Variants in GRIN2A observed in about 807,000 individuals in gnomAD.
The protein encoded by GRIN2A is glutamate ionotropic receptor NMDA type subunit 2A, also known as glutamate receptor ionotropic, NMDA 2A.
GRIN2A carries 22 observed loss-of-function variants against 113.4 expected under a neutral mutation model. The observed-to-expected ratio is 0.19, with a 90% CI of 0.14 to 0.28. The LOEUF is 0.28. GRIN2A is among the 10% of genes least tolerant of loss of function. GRIN2A has a pLI of 1.00. For missense variants in GRIN2A, 1,502 were observed against 1,887.0 expected, an observed-to-expected ratio of 0.80 and a Z score of 3.78; for synonymous variants, 827 against 738.4, an observed-to-expected ratio of 1.12 and a Z score of -1.94.
chr16:9,995,125 G>A (rs973894944), intron 2 of GRIN2A, among the ~76,000 whole-genome samples: 2 of 152,166 alleles, frequency 1.3e-5, no homozygotes, highest in Non-Finnish European at 2.9e-5. Context: ...TTAAGGTTAA[G>A]AGTATCTGCA....
chr16:9,815,554 T>A (rs2042172191), intron 10 of GRIN2A, among the ~76,000 whole-genome samples: 1 of 151,774 alleles, frequency 6.6e-6, no homozygotes, highest in Non-Finnish European at 1.5e-5. Context: ...ATTAGGGAAA[T>A]GCAAATCAAA....
intron 2 of GRIN2A, among the ~76,000 whole-genome samples, chr16:9,992,320 A>G (rs980530556): frequency 6.6e-6 from 1 of 152,188 alleles, no homozygotes; most frequent in Non-Finnish European, 1.5e-5. Flanking sequence ...AGGAGGCTTT[A>G]TAAGTCTATT....
intron 2 of GRIN2A, among the ~76,000 whole-genome samples, chr16:10,116,657 A>G (rs948606238): frequency 6.6e-6 from 1 of 152,148 alleles, no homozygotes; most frequent in Non-Finnish European, 1.5e-5. Flanking sequence ...GGAAAGGAAA[A>G]GAAGCCAGCA....
At chr16:9,797,561 C>A (rs192460582) in intron 11 of GRIN2A, among the ~76,000 whole-genome samples, 1 of 152,168 alleles carries the variant, frequency 6.6e-6, no homozygotes, top group East Asian at 1.9e-4. Flanking sequence ...CATTCCTCCA[C>A]GGGATAAGAA....
chr16:10,109,247 T>C (rs1161210466), intron 2 of GRIN2A, among the ~76,000 whole-genome samples: 2 of 151,984 alleles, frequency 1.3e-5, no homozygotes, highest in African/African-American at 2.4e-5. Context: ...ACCAACCCTG[T>C]ATCAATTAAA....
At chr16:9,784,418 A>C (rs1395003810) in intron 11 of GRIN2A, among the ~76,000 whole-genome samples, 1 of 148,790 alleles carries the variant, frequency 6.7e-6, no homozygotes, top group Non-Finnish European at 1.5e-5. Flanking sequence ...CTACAAGAGC[A>C]AAACTCTAAC....
chr16:9,978,273 A>G (rs143640398), intron 2 of GRIN2A, among the ~76,000 whole-genome samples: 7 of 152,334 alleles, frequency 4.6e-5, no homozygotes, highest in African/African-American at 1.7e-4. Flanking sequence ...TATGTGACTC[A>G]GGCAAATGCA....
At chr16:9,866,915 G>C (rs1371874015) in intron 4 of GRIN2A, among the ~76,000 whole-genome samples, 2 of 152,120 alleles carry the variant, frequency 1.3e-5, no homozygotes, top group Non-Finnish European at 2.9e-5. Context: ...AGAACTGCTT[G>C]ACTCAAATGA....
chr16:9,873,952 G>A (rs1473680275), intron 4 of GRIN2A, among the ~76,000 whole-genome samples: 1 of 152,196 alleles, frequency 6.6e-6, no homozygotes, highest in Non-Finnish European at 1.5e-5. Context: ...TTGTTTCAAT[G>A]TTAAAGTTAA....
chr16:10,128,818 G>T lies in GRIN2A; in HGVS notation c.414+51180C>A, dbSNP rs2142209813. Among the ~76,000 whole-genome samples, 2 of 152,266 alleles carry T rather than the reference G, an allele frequency of 1.3e-5. 1 individual carries two copies. Among genetic ancestry groups the T allele is most frequent in the South Asian group, 4.1e-4 (2 of 4,824 alleles). On this transcript the variant is annotated intron_variant, in intron 2 of 12. Transcript: ENST00000330684. Reference sequence around the variant, plus strand: ...GTTAAAGAATTTTAATTCAACAAAAGGCAAGAAAAGTTTCTTAGGAGCATA... The same window carrying T: ...GTTAAAGAATTTTAATTCAACAAAATGCAAGAAAAGTTTCTTAGGAGCATA...
intron 2 of GRIN2A, among the ~76,000 whole-genome samples, chr16:10,075,567 TA>T (rs959505227): frequency 1.3e-5 from 2 of 152,134 alleles, no homozygotes; most frequent in African/African-American, 4.8e-5. Flanking sequence ...CCACTGAACT[TA>T]AAAATGGTTA....
At chr16:10,137,015 C>T (rs766717003) in intron 2 of GRIN2A, among the ~76,000 whole-genome samples, 56 of 152,190 alleles carry the variant, frequency 3.7e-4, no homozygotes, top group Non-Finnish European at 6.8e-4. Flanking sequence ...CATGAAATAT[C>T]TACTCTACAT....
chr16:9,824,243 T>C (rs1270067072), intron 9 of GRIN2A, among the ~76,000 whole-genome samples: 2 of 152,220 alleles, frequency 1.3e-5, no homozygotes, highest in Non-Finnish European at 2.9e-5. Context: ...CGTGTGCATG[T>C]GTGTGTATGT....
chr16:9,898,326 T>C (rs1361026076), intron 3 of GRIN2A, among the ~76,000 whole-genome samples: 1 of 152,200 alleles, frequency 6.6e-6, no homozygotes, highest in African/African-American at 2.4e-5. Flanking sequence ...AGTATACTCA[T>C]TTCCAGAGTC....
intron 11 of GRIN2A, among the ~76,000 whole-genome samples, chr16:9,779,092 G>A (rs1035611371): frequency 9.9e-5 from 15 of 152,210 alleles, no homozygotes; most frequent in African/African-American, 3.6e-4. Flanking sequence ...ACATAAAAGG[G>A]AATAGCGTGC....
At chr16:9,861,084 T>C (rs7192522) in intron 4 of GRIN2A, among the ~76,000 whole-genome samples, 4,309 of 151,916 alleles carry the variant, frequency 0.028, 197 homozygotes, top group African/African-American at 0.097. Context: ...AGAAGCAGAG[T>C]TCAGGCTGCC....
chr16:10,124,290 C>T (rs1171266479), intron 2 of GRIN2A, among the ~76,000 whole-genome samples: 2 of 152,138 alleles, frequency 1.3e-5, no homozygotes, highest in African/African-American at 4.8e-5. Flanking sequence ...TTACTTACAA[C>T]ATTGGGATAA....
At chr16:9,776,580 G>C (rs1175689839) in intron 11 of GRIN2A, among the ~76,000 whole-genome samples, 1 of 152,090 alleles carries the variant, frequency 6.6e-6, no homozygotes, top group South Asian at 2.1e-4. Context: ...ATCAAGGCTG[G>C]CTCTTGGGCG....
chr16:9,813,856 A>T (rs1244420642), intron 10 of GRIN2A, among the ~76,000 whole-genome samples: 1 of 152,164 alleles, frequency 6.6e-6, no homozygotes, highest in African/African-American at 2.4e-5. Flanking sequence ...TCTGGAGATG[A>T]CGCTACCCCA....
Sources: gnomAD v4.1 joint callset for allele counts (sites outside exome capture counted in the v4.1 genomes callset) on GRCh38, gnomAD v4.1.1 for gene constraint, MANE v1.5 for transcripts, NCBI Gene and HGNC (gene_info 2026-07-23, HGNC 2026-07-21) for gene names.